The following LINGO2 variants were observed in gnomAD, a reference collection of about 807,000 sequenced individuals.
The protein encoded by LINGO2 is leucine rich repeat and Ig domain containing 2.
LINGO2 carries 14 observed loss-of-function variants against 30.6 expected under a neutral mutation model. That is an observed-to-expected ratio of 0.46 (90% CI 0.30 to 0.72). LINGO2 has a LOEUF of 0.72. LINGO2 is among the 30% of genes least tolerant of loss of function. The pLI is 0.07. For synonymous variants in LINGO2, 317 were observed against 288.5 expected, an observed-to-expected ratio of 1.10 and a Z score of -1.00; for missense variants, 729 against 751.7, an observed-to-expected ratio of 0.97 and a Z score of 0.35.
At chr9:28,208,705 A>G (rs938576951) in intron 4 of LINGO2, among the ~76,000 whole-genome samples, 2 of 151,838 alleles carry the variant, frequency 1.3e-5, no homozygotes, top group South Asian at 4.1e-4. Context: ...TTCTTATTAG[A>G]TTTCTGAACA....
At chr9:28,488,223 T>C (rs938261236) in intron 1 of LINGO2, among the ~76,000 whole-genome samples, 1 of 152,164 alleles carries the variant, frequency 6.6e-6, no homozygotes, top group South Asian at 2.1e-4. Context: ...CTGTGCTTTT[T>C]AATGTTTGGC....
At chr9:28,139,461 C>T (rs1172533786) in intron 4 of LINGO2, among the ~76,000 whole-genome samples, 1 of 152,152 alleles carries the variant, frequency 6.6e-6, no homozygotes, top group Non-Finnish European at 1.5e-5. Flanking sequence ...CCTGGTATAT[C>T]AGCTACATTC....
intron 4 of LINGO2, among the ~76,000 whole-genome samples, chr9:28,181,445 C>T (rs1301675031): frequency 6.6e-6 from 1 of 152,142 alleles, no homozygotes; most frequent in Non-Finnish European, 1.5e-5. Context: ...CCAGCAGCAT[C>T]CACATCCCCT....
chr9:28,839,627 G>C, the LINGO2 span, among the ~76,000 whole-genome samples: 1 of 152,152 alleles, frequency 6.6e-6, no homozygotes. Flanking sequence ...CCCCAGTCTA[G>C]CTGAGTCCAG....
chr9:29,071,154 T>TTATTGTATTGTATTGTATTG, the LINGO2 span, among the ~76,000 whole-genome samples: 498 of 137,766 alleles, frequency 3.6e-3, 4 homozygotes, highest in African/African-American at 9.9e-3. Context: ...TCACAGAGAA[T>TTATTGTATTGTATTGTATTG]TATTGTATTG....
chr9:29,105,809 A>G, the LINGO2 span, among the ~76,000 whole-genome samples: 2 of 152,306 alleles, frequency 1.3e-5, no homozygotes, highest in African/African-American at 4.8e-5. Context: ...CACAGGGGCA[A>G]CATCTAGGAT....
At chr9:29,044,670 C>G in the LINGO2 span, among the ~76,000 whole-genome samples, 3 of 151,886 alleles carry the variant, frequency 2.0e-5, no homozygotes, top group African/African-American at 7.2e-5. Flanking sequence ...GTAACTGAAA[C>G]ATATTCAAGT....
the LINGO2 span, among the ~76,000 whole-genome samples, chr9:29,018,033 TATAG>T: frequency 1.0e-5 from 1 of 97,056 alleles, no homozygotes; most frequent in South Asian, 2.9e-4. Context: ...CATATATATA[TATAG>T]AGAGAGAGAG....
In LINGO2 at chr9:28,129,063, C is replaced by T. The variant is rs1369496724; in HGVS notation, c.-86-116658G>A. Among the ~76,000 whole-genome samples the T allele has an allele frequency of 1.3e-5, 2 of 152,114 alleles. No homozygotes were observed. Among genetic ancestry groups the T allele is most frequent in the Admixed American group, 6.5e-5 (1 of 15,280 alleles). The stretch of plus-strand genomic sequence containing the variant: ...ATCAGACTCCAAGTTCTTTGACTTT[C>T]GGAGTCTTGGACTTAACACCAGAGG... On this transcript the variant is annotated intron_variant, in intron 4 of 5. Transcript: ENST00000379992. The surrounding 1 kb of genome is among the most constrained non-coding windows in gnomAD (Gnocchi z 4.0).
At chr9:28,152,941 G>T (rs930634874) in intron 4 of LINGO2, among the ~76,000 whole-genome samples, 4 of 152,024 alleles carry the variant, frequency 2.6e-5, no homozygotes, top group Non-Finnish European at 5.9e-5. Flanking sequence ...TGGAAGAAAA[G>T]AATACAATAT....
intron 2 of LINGO2, among the ~76,000 whole-genome samples, chr9:28,432,763 C>T (rs1274511372): frequency 6.6e-6 from 1 of 152,038 alleles, no homozygotes; most frequent in African/African-American, 2.4e-5. Flanking sequence ...TTTTAAAATA[C>T]AGGATTCTGA....
rs148151421 is a variant in LINGO2, at chr9:28,291,821, G to C, written c.-87+3387C>G. ...GCAGAATTTCCAAATTTGAGAAAAA[G>C]TAATTCAACTTGTAGACCCAAGAAA... On this transcript the variant is annotated intron_variant, in intron 4 of 5. Coordinates refer to ENST00000379992, the Ensembl canonical transcript of LINGO2. 3.7e-3 allele frequency among the ~76,000 whole-genome samples: 564 copies of C among 152,238 alleles called. 4 individuals carry two copies. Among genetic ancestry groups the C allele is most frequent in the African/African-American group, 0.013 (540 of 41,548 alleles).
chr9:28,596,957 T>A (rs1825213230), intron 1 of LINGO2, among the ~76,000 whole-genome samples: 1 of 152,126 alleles, frequency 6.6e-6, no homozygotes. Context: ...CATCTCATGT[T>A]TATATGCTTT....
the LINGO2 span, among the ~76,000 whole-genome samples, chr9:28,703,729 T>C: frequency 3.3e-5 from 5 of 151,966 alleles, no homozygotes; most frequent in African/African-American, 4.8e-5. Context: ...CTCTCTCTCT[T>C]TTTTTAACTC....
At chr9:27,986,382 AC>A (rs1440789411) in intron 5 of LINGO2, among the ~76,000 whole-genome samples, 1 of 151,870 alleles carries the variant, frequency 6.6e-6, no homozygotes, top group African/African-American at 2.4e-5. Context: ...AGCACCTGTG[AC>A]CCGTGGAAGC....
At chr9:28,850,203 G>C in the LINGO2 span, among the ~76,000 whole-genome samples, 1 of 151,960 alleles carries the variant, frequency 6.6e-6, no homozygotes, top group Non-Finnish European at 1.5e-5. Context: ...ACAGTAGTAA[G>C]CCAGGCAGAA....
chr9:28,948,940 A>C, the LINGO2 span, among the ~76,000 whole-genome samples: 1 of 151,938 alleles, frequency 6.6e-6, no homozygotes, highest in African/African-American at 2.4e-5. Flanking sequence ...GATATGCAAA[A>C]GAGTCCGCTG....
the LINGO2 span, among the ~76,000 whole-genome samples, chr9:29,027,908 T>C: frequency 6.6e-6 from 1 of 152,156 alleles, no homozygotes; most frequent in Non-Finnish European, 1.5e-5. Context: ...AAGTAACTAA[T>C]ACAGTGCACT....
At chr9:28,154,252 C>T (rs1015525276) in intron 4 of LINGO2, among the ~76,000 whole-genome samples, 27 of 151,850 alleles carry the variant, frequency 1.8e-4, no homozygotes, top group Admixed American at 2.6e-4. Flanking sequence ...AGATTTTATG[C>T]GCTTGTCATA....
Sources: gnomAD v4.1 joint callset for allele counts (sites outside exome capture counted in the v4.1 genomes callset) on GRCh38, gnomAD v4.1.1 for gene constraint, Gnocchi (gnomAD v3.1) non-coding constraint, MANE v1.5 for transcripts, NCBI Gene and HGNC (gene_info 2026-07-23, HGNC 2026-07-21) for gene names.